The following ZNF626 variants were observed in gnomAD, a reference collection of about 807,000 sequenced individuals.
ZNF626 encodes the protein CTC-513N18.7.
In ZNF626, 4 loss-of-function variants were observed where a neutral mutation model predicts 11.7. That is an observed-to-expected ratio of 0.34 (90% CI 0.17 to 0.78). ZNF626 has a LOEUF of 0.78. Among genes scored for constraint, ZNF626 ranks in the 30% least tolerant of loss-of-function variants. The pLI is 0.57. For synonymous variants in ZNF626, 179 were observed against 198.6 expected (o/e 0.90, Z 0.83); for missense variants, 588 against 587.1 (o/e 1.00, Z -0.01).
intron 3 of ZNF626, among the ~76,000 whole-genome samples, chr19:20,637,040 G>GACA (rs1969974161): frequency 4.6e-5 from 4 of 87,572 alleles, no homozygotes; most frequent in African/African-American, 1.2e-4. Flanking sequence ...AAAAAAAAAG[G>GACA]CCCAGTGCAA....
At chr19:20,647,414 T>A (rs1211065475) in intron 1 of ZNF626, among the ~76,000 whole-genome samples, 3 of 151,342 alleles carry the variant, frequency 2.0e-5, no homozygotes, top group South Asian at 2.1e-4. Context: ...GTGAAAAAAA[T>A]ATGTCCCAGA....
At chr19:20,637,134 G>A (rs1370352198) in intron 3 of ZNF626, among the ~76,000 whole-genome samples, 12 of 150,656 alleles carry the variant, frequency 8.0e-5, no homozygotes, top group Admixed American at 2.0e-4. Flanking sequence ...AAACAAAATC[G>A]AAATGATTAT....
In ZNF626 at chr19:20,621,168, AC is replaced by A. The variant is rs1969753914; in HGVS notation, c.*3121del. 7.1e-6 allele frequency: 1 copy of A among 140,162 alleles called. No homozygotes were observed. Among genetic ancestry groups the A allele is most frequent in the Non-Finnish European group, 1.5e-5 (1 of 64,682 alleles). 8.7% of individuals were successfully genotyped at this position (140,162 alleles called of 1,614,324 possible). A position where few individuals can be genotyped will look rare whatever the true frequency, so the allele number is the denominator to read the frequency against. Reference sequence around the variant, plus strand: ...TTTTGAGATGGAGTGTCCGTCTGTCACCCAGGCTGGAGTGCAGTGGTGCTAT... The same window carrying A: ...TTTTGAGATGGAGTGTCCGTCTGTCACCAGGCTGGAGTGCAGTGGTGCTAT... On this transcript the variant is annotated 3_prime_UTR_variant, in exon 4 of 4. Coordinates refer to ENST00000601440, the MANE Select transcript of ZNF626 (RefSeq NM_001076675.3).
At chr19:20,627,807 T>C (rs1433515724) in intron 3 of ZNF626, among the ~76,000 whole-genome samples, 3 of 152,154 alleles carry the variant, frequency 2.0e-5, no homozygotes, top group African/African-American at 7.2e-5. Flanking sequence ...ACTTTAAGTT[T>C]TAGGGTACAT....
At chr19:20,641,458 T>C (rs555074489) in intron 3 of ZNF626, among the ~76,000 whole-genome samples, 52 of 152,296 alleles carry the variant, frequency 3.4e-4, no homozygotes, top group African/African-American at 1.3e-3. Context: ...GGAAATTTTG[T>C]CTGTCAAGGG....
In ZNF626 at chr19:20,625,471, A is replaced by G. The variant is rs1555769504; in HGVS notation, c.406T>C (p.Cys136Arg). 1.9e-6 allele frequency: 3 copies of G among 1,614,102 alleles called. No homozygotes were observed. Among genetic ancestry groups the G allele is most frequent in the Non-Finnish European group, 2.5e-6 (3 of 1,179,994 alleles). The change falls in exon 4 of 4, where the codon TGT becomes CGT. Residue 136 changes from cysteine (C) to arginine (R), a missense_variant. Transcript: ENST00000601440. ...HKEGYNELNQCLTTTPRKICQ... is the reference protein window; with the variant it reads ...HKEGYNELNQRLTTTPRKICQ... ...ATTTTTCTTGGGGTAGTTGTCAAAC[A>G]TTGGTTAAGTTCATTATAACCTTCT...
In ZNF626 at chr19:20,622,352, T is replaced by C. The variant is rs1272173227; in HGVS notation, c.*1938A>G. 3 of 152,218 alleles carry C rather than the reference T, an allele frequency of 2.0e-5. No homozygotes were observed. The highest frequency in any genetic ancestry group is 4.8e-5 in the African/African-American group (2 of 41,460). The allele number at this position is 152,218 out of a possible 1,614,324, so 9.4% of individuals were successfully genotyped here. A position where few individuals can be genotyped will look rare whatever the true frequency, so the allele number is the denominator to read the frequency against. On this transcript the variant is annotated 3_prime_UTR_variant, in exon 4 of 4. Transcript: ENST00000601440. The stretch of plus-strand genomic sequence containing the variant: ...CTCTCAGTATAATGTAGAAAAGTAT[T>C]ACTCTGAACACCTACCTTAAACATT...
intron 3 of ZNF626, chr19:20,645,113 A>C (rs993307654): frequency 4.7e-5 from 24 of 507,736 alleles, no homozygotes; most frequent in Non-Finnish European, 6.0e-5. Context: ...AAAAATTTAC[A>C]TGAAACTAAA....
intron 3 of ZNF626, among the ~76,000 whole-genome samples, chr19:20,643,097 G>A (rs113079750): frequency 1.3e-4 from 20 of 151,924 alleles, no homozygotes; most frequent in Admixed American, 6.6e-4. Flanking sequence ...TTGAATCATT[G>A]GCATGCACTG....
At chr19:20,632,473 G>A (rs1555770468) in intron 3 of ZNF626, among the ~76,000 whole-genome samples, 2 of 152,136 alleles carry the variant, frequency 1.3e-5, no homozygotes, top group Non-Finnish European at 2.9e-5. Flanking sequence ...ATTTCTTGGA[G>A]GCTTTGTTCG....
intron 3 of ZNF626, among the ~76,000 whole-genome samples, chr19:20,640,109 G>C (rs200028650): frequency 3.4e-4 from 51 of 151,854 alleles, no homozygotes; most frequent in African/African-American, 1.2e-3. Flanking sequence ...ATGTTGAAAA[G>C]TGAATATCAA....
chr19:20,631,839 A>G (rs1323012316), intron 3 of ZNF626, among the ~76,000 whole-genome samples: 2 of 151,700 alleles, frequency 1.3e-5, no homozygotes, highest in Non-Finnish European at 2.9e-5. Flanking sequence ...TTATGATGTT[A>G]GCTGGTTATT....
intron 3 of ZNF626, among the ~76,000 whole-genome samples, chr19:20,632,300 G>A (rs1230932794): frequency 6.6e-6 from 1 of 152,038 alleles, no homozygotes; most frequent in East Asian, 1.9e-4. Context: ...TATCTTTGTG[G>A]CGTTCTCTGT....
intron 3 of ZNF626, among the ~76,000 whole-genome samples, chr19:20,630,037 C>T (rs1969885315): frequency 6.6e-6 from 1 of 152,104 alleles, no homozygotes; most frequent in Admixed American, 6.6e-5. Context: ...TTGAGATAAT[C>T]ATGTGGTTTT....
chr19:20,624,752 G>C lies in ZNF626; in HGVS notation c.1125C>G (p.Gly375=). ...GEKPYKCEEC[G]KAFKRSSDLT... is the part of the protein sequence containing the mutation. ...GGTCTGAAGACCGCTTGAAGGCTTT[G>C]CCACATTCTTCACATTTGTAGGGTT... Residue 375 remains glycine, a synonymous_variant, in exon 4 of 4, where the codon GGC becomes GGG. Coordinates refer to ENST00000601440, the MANE Select transcript of ZNF626 (RefSeq NM_001076675.3). The C allele has an allele frequency of 6.2e-7, 1 of 1,613,256 alleles. No homozygotes were observed. The highest frequency in any genetic ancestry group is 1.1e-5 in the South Asian group (1 of 91,056).
intron 1 of ZNF626, among the ~76,000 whole-genome samples, chr19:20,652,835 C>G (rs1568461867): frequency 6.6e-6 from 1 of 152,026 alleles, no homozygotes; most frequent in Admixed American, 6.5e-5. Flanking sequence ...CATTTGTGAG[C>G]TTTTTAGCAA....
In ZNF626 at chr19:20,625,021, T is replaced by C. The variant is rs377701054; in HGVS notation, c.856A>G (p.Lys286Glu). 2 of 1,613,768 alleles carry C rather than the reference T, an allele frequency of 1.2e-6. No individual in the cohort carries two copies. Among genetic ancestry groups the C allele is most frequent in the African/African-American group, 2.7e-5 (2 of 74,932 alleles). ...AAGGCTTTGCCACATTCTTCACATT[T>C]GTAGGGTTTCTTTTCCGTATGAATT... Reference protein sequence around the residue: ...EIIHTEKKPYKCEECGKAFNR... With the variant: ...EIIHTEKKPYECEECGKAFNR... The change falls in exon 4 of 4, where the codon AAA becomes GAA. Residue 286 changes from lysine (K) to glutamate (E), a missense_variant. Lys to Glu is a moderately conservative substitution (Grantham distance 56). This residue lies in a region of ZNF626 where 524 missense variants were observed against 470.1 expected (regional missense o/e 1.11). Transcript: ENST00000601440.
chr19:20,660,166 A>T (rs1474087362), intron 1 of ZNF626, among the ~76,000 whole-genome samples: 5 of 146,780 alleles, frequency 3.4e-5, no homozygotes, highest in African/African-American at 1.2e-4. Flanking sequence ...GGGCTGAGGT[A>T]GGAGAATCGC....
Position 20,624,195 on chromosome 19 carries a change from T to C in ZNF626, c.*95A>G, listed in dbSNP as rs782570506. The stretch of plus-strand genomic sequence containing the variant: ...ATTCTTCACATCTGTAGGGTTTTTT[T>C]CCAGTATGAATTTTCTTATGTGTAG... On this transcript the variant is annotated 3_prime_UTR_variant, in exon 4 of 4. Transcript: ENST00000601440. The C allele has an allele frequency of 1.9e-6, 3 of 1,598,282 alleles. No homozygotes were observed. Among genetic ancestry groups the C allele is most frequent in the Non-Finnish European group, 2.6e-6 (3 of 1,166,966 alleles).
Sources: gnomAD v4.1 joint callset for allele counts (sites outside exome capture counted in the v4.1 genomes callset) on GRCh38, gnomAD v4.1.1 for gene constraint, gnomAD v4.1.1 regional missense constraint, MANE v1.5 for transcripts, NCBI Gene and HGNC (gene_info 2026-07-23, HGNC 2026-07-21) for gene names.